ZDBF2: variants seen among roughly 807,000 people sequenced by gnomAD.
ZDBF2 encodes the protein DBF4-type zinc finger-containing protein 2.
A neutral mutation model predicts 9.4 loss-of-function variants in ZDBF2; 6 were observed. The observed-to-expected ratio is 0.64, with a 90% CI of 0.35 to 1.27. The LOEUF (loss-of-function observed/expected upper bound fraction) is 1.27. Among genes scored for constraint, ZDBF2 ranks in the 50% most tolerant of loss-of-function variants. ZDBF2 has a pLI of 0.03. For synonymous variants in ZDBF2, 905 were observed against 946.3 expected (o/e 0.96, Z 0.80); for missense variants, 2,697 against 2,766.8 (o/e 0.97, Z 0.57).
rs1245853224 is a variant in ZDBF2, at chr2:206,309,461, G to A, written c.4933G>A (p.Glu1645Lys). ...GACTTACGAGTCACAAGGACCTGAT[G>A]AGAAAATGGTGAAATATATTGATTC... is the stretch of plus-strand genomic sequence containing the variant. ...SMTYESQGPD[E>K]KMVKYIDSED... The change falls in exon 5 of 5, where the codon GAG (glutamate) becomes AAG (lysine). Residue 1645 changes from glutamate to lysine, a missense_variant. Coordinates refer to ENST00000374423, the MANE Select transcript of ZDBF2 (RefSeq NM_020923.3). 1 of 1,613,840 alleles carries A rather than the reference G, an allele frequency of 6.2e-7. No individual in the cohort carries two copies. The highest frequency in any genetic ancestry group is 8.5e-7 in the Non-Finnish European group (1 of 1,179,852).
At chr2:206,274,996 G>C (rs1690901496) in intron 1 of ZDBF2, 50 bp downstream of exon 1, 1 of 149,560 alleles carries the variant, frequency 6.7e-6, no homozygotes, top group Admixed American at 6.7e-5. Flanking sequence ...GCCCGCGGGC[G>C]GGGCCTGCTC....
chr2:206,312,133 C>T lies in ZDBF2; in HGVS notation c.*540C>T, dbSNP rs1559165555. 2 of 152,094 alleles carry T rather than the reference C, an allele frequency of 1.3e-5. No individual in the cohort carries two copies. The highest frequency in any genetic ancestry group is 2.9e-5 in the Non-Finnish European group (2 of 68,022). The allele number at this position is 152,094 out of a possible 1,614,324, so 9.4% of individuals were successfully genotyped here. ...ATTTTTTTTATGCATAGCACAAACTCCTCCTGCTTCATTTAAATTGGATCT... is the reference window on the plus strand; with the variant it reads ...ATTTTTTTTATGCATAGCACAAACTTCTCCTGCTTCATTTAAATTGGATCT... On this transcript the variant is annotated 3_prime_UTR_variant, in exon 5 of 5. Coordinates refer to ENST00000374423, the MANE Select transcript of ZDBF2 (RefSeq NM_020923.3).
chr2:206,276,374 C>T (rs1299441203), intron 1 of ZDBF2, among the ~76,000 whole-genome samples: 1 of 152,090 alleles, frequency 6.6e-6, no homozygotes, highest in African/African-American at 2.4e-5. Flanking sequence ...TTATTGGTTC[C>T]TGTGTGTCAT....
At chr2:206,289,219 C>T (rs575288945) in intron 3 of ZDBF2, among the ~76,000 whole-genome samples, 8 of 151,958 alleles carry the variant, frequency 5.3e-5, no homozygotes, top group South Asian at 2.1e-4. Flanking sequence ...CAGGTTTGGG[C>T]GGGGTTGGGG....
In ZDBF2 at chr2:206,305,230, C is replaced by T; in HGVS notation, c.702C>T (p.Ala234=). The T allele has an allele frequency of 6.2e-7, 1 of 1,613,794 alleles. No individual in the cohort carries two copies. Among genetic ancestry groups the T allele is most frequent in the Non-Finnish European group, 8.5e-7 (1 of 1,179,816 alleles). Reference sequence around the variant, plus strand: ...AATATCTTGAACAGCCAGATGGGGCCTCTAGAAATCCTGTGCCATCATCCC... The same window carrying T: ...AATATCTTGAACAGCCAGATGGGGCTTCTAGAAATCCTGTGCCATCATCCC... ...VEKYLEQPDG[A]SRNPVPSSHV... Residue 234 remains alanine (A), a synonymous_variant, in exon 5 of 5, where the codon GCC becomes GCT. Transcript: ENST00000374423.
At position 206,310,465 on chromosome 2, in the gene ZDBF2, A is replaced by T. The variant is rs968189022; in HGVS notation, c.5937A>T (p.Arg1979Ser). 6.2e-7 allele frequency: 1 copy of T among 1,613,782 alleles called. No homozygotes were observed. The highest frequency in any genetic ancestry group is 8.5e-7 in the Non-Finnish European group (1 of 1,179,862). ...AGTGTTCACGTTTACAGGATGACAG[A>T]AAAACCAAAAAGAAAGTCAAAATTG... The part of the protein sequence containing the change: ...KSKCSRLQDD[R>S]KTKKKVKIGT... Residue 1979 changes from arginine (R) to serine (S), a missense_variant, in exon 5 of 5, where the codon AGA (arginine) becomes AGT (serine). Transcript: ENST00000374423.
chr2:206,310,863 C>A lies in ZDBF2; in HGVS notation c.6335C>A (p.Ala2112Glu), dbSNP rs780874989. 17 of 1,613,744 alleles carry A rather than the reference C, an allele frequency of 1.1e-5. No individual in the cohort carries two copies. In the Admixed American group the frequency reaches 2.8e-4, roughly 27 times the overall value. ...SASAPLMAVP[A>E]RYGFNSHQGT... ...TCAGCGCCTTTAATGGCAGTGCCGG[C>A]AAGATATGGATTTAATTCACATCAG... is the stretch of plus-strand genomic sequence containing the variant. Residue 2112 changes from alanine (A) to glutamate (E), a missense_variant, in exon 5 of 5, where the codon GCA (alanine) becomes GAA (glutamate). Ala to Glu is a moderately radical substitution (Grantham distance 107). Around this residue, in one of 3 missense-constraint regions of ZDBF2, gnomAD observed 1,783 missense variants for 1,776.5 expected, o/e 1.00. Coordinates refer to ENST00000374423, the MANE Select transcript of ZDBF2 (RefSeq NM_020923.3).
In ZDBF2 at chr2:206,278,672, CTTG is replaced by C. The variant is rs534722315; in HGVS notation, c.-102-863_-102-861del. Among the ~76,000 whole-genome samples, 99 of 152,260 alleles carry C rather than the reference CTTG, an allele frequency of 6.5e-4. 1 individual carries two copies. Among genetic ancestry groups the C allele is most frequent in the African/African-American group, 2.4e-3 (98 of 41,564 alleles). ...GTATTTTCTTACTTTCGTACCTTTG[CTTG>C]TTGTATCATTTCCCAACCTTTGAGT... On this transcript the variant is annotated intron_variant, in intron 1 of 4. Transcript: ENST00000374423.
chr2:206,281,733 TATC>T, intron 2 of ZDBF2, 65 bp from the exon 3 acceptor site: 1 of 921,192 alleles, frequency 1.1e-6, no homozygotes, highest in Non-Finnish European at 1.6e-6. Flanking sequence ...TTCTGCTAAT[TATC>T]ATAGCCATTT....
chr2:206,283,546 TTTTAATTGTG>T (rs1180514461), intron 3 of ZDBF2, among the ~76,000 whole-genome samples: 3 of 152,226 alleles, frequency 2.0e-5, no homozygotes, highest in African/African-American at 7.2e-5. Context: ...CTTTTCCTAT[TTTTAATTGTG>T]TTGTCTTTTT....
At chr2:206,303,185 G>A (rs375070844) in intron 4 of ZDBF2, among the ~76,000 whole-genome samples, 3 of 146,728 alleles carry the variant, frequency 2.0e-5, no homozygotes, top group East Asian at 4.0e-4. Flanking sequence ...ACATTAACTT[G>A]TAATGTCTCT....
chr2:206,307,424 G>A lies in ZDBF2; in HGVS notation c.2896G>A (p.Ala966Thr). 6.2e-7 allele frequency: 1 copy of A among 1,612,160 alleles called. No individual in the cohort carries two copies. Among genetic ancestry groups the A allele is most frequent in the Admixed American group, 1.7e-5 (1 of 59,742 alleles). Residue 966 changes from alanine (A) to threonine (T), a missense_variant, in exon 5 of 5, where the codon GCA (alanine) becomes ACA (threonine). This residue lies in a region of ZDBF2 where 1,783 missense variants were observed against 1,776.5 expected (regional missense o/e 1.00). Coordinates refer to ENST00000374423, the MANE Select transcript of ZDBF2 (RefSeq NM_020923.3). ...TTTGGATTCTGATGTCCCTCTTCAG[G>A]CAGCGACTCACAAACCTGAAGTAAT... ...TSLDSDVPLQ[A>T]ATHKPEVIVK...
At position 206,306,422 on chromosome 2, in the gene ZDBF2, C is replaced by G; in HGVS notation, c.1894C>G (p.Leu632Val). Residue 632 changes from leucine to valine, a missense_variant, in exon 5 of 5, where the codon CTT becomes GTT. Transcript: ENST00000374423. ...AKAHLDCDVS[L>V]GTVADESQRA... ...AGCACATCTTGATTGTGATGTCTCA[C>G]TTGGGACAGTTGCAGATGAATCCCA... The G allele has an allele frequency of 6.2e-7, 1 of 1,613,848 alleles. No individual in the cohort carries two copies. Among genetic ancestry groups the G allele is most frequent in the Middle Eastern group, 1.6e-4 (1 of 6,062 alleles).
intron 3 of ZDBF2, among the ~76,000 whole-genome samples, chr2:206,293,509 A>C (rs1692005491): frequency 6.6e-6 from 1 of 152,196 alleles, no homozygotes; most frequent in Non-Finnish European, 1.5e-5. Flanking sequence ...GCAGAGAGGA[A>C]GATGGTACTT....
At chr2:206,287,112 T>G (rs755016149) in intron 3 of ZDBF2, among the ~76,000 whole-genome samples, 1 of 152,268 alleles carries the variant, frequency 6.6e-6, no homozygotes, top group East Asian at 1.9e-4. Flanking sequence ...GATTTGCTCT[T>G]TGGTGGGGTT....
intron 3 of ZDBF2, among the ~76,000 whole-genome samples, chr2:206,289,863 C>G (rs1329368055): frequency 6.6e-6 from 1 of 152,130 alleles, no homozygotes; most frequent in African/African-American, 2.4e-5. Flanking sequence ...GAAGTTCTTC[C>G]TGGTTCCCAG....
At chr2:206,289,494 A>G (rs1016380015) in intron 3 of ZDBF2, among the ~76,000 whole-genome samples, 1 of 152,088 alleles carries the variant, frequency 6.6e-6, no homozygotes, top group African/African-American at 2.4e-5. Context: ...TCTTGGTTCT[A>G]TGAGGAAGGG....
rs1274232525 is a variant in ZDBF2, at chr2:206,305,463, A to C, written c.935A>C (p.Lys312Thr). Residue 312 changes from lysine (K) to threonine (T), a missense_variant, in exon 5 of 5, where the codon AAA (lysine) becomes ACA (threonine). Physicochemically the swap from Lys to Thr is moderately conservative, Grantham distance 78. Transcript: ENST00000374423. The part of the protein sequence containing the change: ...SPSKLAVNPN[K>T]TDMPSNKGIF... ...TCCAAATTAGCAGTAAACCCGAATA[A>C]AACTGACATGCCTTCTAATAAAGGA... The C allele has an allele frequency of 3.7e-6, 6 of 1,613,012 alleles. No individual in the cohort carries two copies. Among genetic ancestry groups the C allele is most frequent in the Non-Finnish European group, 5.1e-6 (6 of 1,179,678 alleles).
Position 206,308,974 on chromosome 2 carries a change from G to A in ZDBF2, c.4446G>A (p.Glu1482=), listed in dbSNP as rs759330072. 8 of 1,613,580 alleles carry A rather than the reference G, an allele frequency of 5.0e-6. No individual in the cohort carries two copies. In the East Asian group the frequency reaches 1.8e-4, roughly 36 times the overall value. ...SYKEADLQKE[E]HVVMEEKTDQ... ...AAGAGGCAGACCTTCAGAAGGAAGA[G>A]CATGTTGTCATGGAAGAAAAGACCG... The change falls in exon 5 of 5, where the codon GAG becomes GAA. Residue 1482 remains glutamate, a synonymous_variant. Coordinates refer to ENST00000374423, the MANE Select transcript of ZDBF2 (RefSeq NM_020923.3).
Sources: gnomAD v4.1 joint callset for allele counts (sites outside exome capture counted in the v4.1 genomes callset) on GRCh38, gnomAD v4.1.1 for gene constraint, gnomAD v4.1.1 regional missense constraint, MANE v1.5 for transcripts, NCBI Gene and HGNC (gene_info 2026-07-23, HGNC 2026-07-21) for gene names.